The following FAM178B variants were observed in gnomAD, a reference collection of about 807,000 sequenced individuals.
FAM178B encodes protein FAM178B.
A neutral mutation model predicts 91.7 loss-of-function variants in FAM178B; 82 were observed. The ratio of observed to expected loss-of-function variants is 0.89; its 90% CI spans 0.75 to 1.07. The LOEUF (loss-of-function observed/expected upper bound fraction) is 1.07. FAM178B is among the 50% of genes least tolerant of loss of function. The probability of loss-of-function intolerance (pLI) is 0.00; values close to 1 mark genes in which losing one functional copy is unlikely to be tolerated. For missense variants in FAM178B, 769 were observed against 846.7 expected, an observed-to-expected ratio of 0.91 and a Z score of 1.14; for synonymous variants, 368 against 359.4, an observed-to-expected ratio of 1.02 and a Z score of -0.27.
chr2:96,919,012 G>C (rs984677835), intron 12 of FAM178B, among the ~76,000 whole-genome samples: 1 of 152,146 alleles, frequency 6.6e-6, no homozygotes, highest in Non-Finnish European at 1.5e-5. Flanking sequence ...CCTTAAAAGC[G>C]ACAGGAATTG....
intron 13 of FAM178B, among the ~76,000 whole-genome samples, chr2:96,900,575 C>CTTAAGT (rs1239764731): frequency 6.6e-6 from 1 of 151,986 alleles, no homozygotes; most frequent in Non-Finnish European, 1.5e-5. Flanking sequence ...CAGGGGGTGG[C>CTTAAGT]CACCAGGAGT....
chr2:96,886,705 T>C (rs964260034), intron 14 of FAM178B, among the ~76,000 whole-genome samples: 3 of 152,172 alleles, frequency 2.0e-5, no homozygotes, highest in Admixed American at 1.3e-4. Flanking sequence ...CAGAGAGCAC[T>C]TGAGAAGGCC....
intron 9 of FAM178B, among the ~76,000 whole-genome samples, chr2:96,927,860 C>T (rs1324749997): frequency 1.3e-5 from 2 of 152,210 alleles, no homozygotes. Flanking sequence ...GACTCCACGG[C>T]CCCTGCCTGC....
rs570600936 is a variant in FAM178B, at chr2:96,945,092, G to A, written c.1078+2726C>T. ...TCCCTGATCCTCTCTTTGCCATCTA[G>A]CGAAGTGCTTGAGGAAGGAGGTGCT... On this transcript the variant is annotated intron_variant, in intron 8 of 16. Coordinates refer to ENST00000490605, the MANE Select transcript of FAM178B (RefSeq NM_001122646.3). 2.8e-4 allele frequency among the ~76,000 whole-genome samples: 43 copies of A among 152,270 alleles called. 1 individual carries two copies. In the South Asian group the frequency reaches 8.3e-3, roughly 29 times the overall value.
intron 12 of FAM178B, among the ~76,000 whole-genome samples, chr2:96,910,531 G>A (rs73960687): frequency 0.025 from 3,813 of 152,228 alleles, 137 homozygotes; most frequent in African/African-American, 0.086. Context: ...GCCCCAAACC[G>A]CACTCCTTGC....
At position 96,972,126 on chromosome 2, in the gene FAM178B, C is replaced by CG; in HGVS notation, c.338dup (p.Pro114AlafsTer36). ...CCCTCGGGTTGAGGAATTCCACGGG[C>CG]GGGGGGCTCCAGTCAGTGGGAAACG... On this transcript the variant is annotated frameshift_variant, in exon 3 of 17. Transcript: ENST00000490605. LOFTEE classifies it high-confidence loss of function. 1 of 1,527,900 alleles carries CG rather than the reference C, an allele frequency of 6.5e-7. No homozygotes were observed. The highest frequency in any genetic ancestry group is 8.8e-7 in the Non-Finnish European group (1 of 1,135,616). 94.6% of individuals were successfully genotyped at this position (1,527,900 alleles called of 1,614,324 possible).
chr2:96,919,009 A>G (rs1215771200), intron 12 of FAM178B, among the ~76,000 whole-genome samples: 2 of 152,184 alleles, frequency 1.3e-5, no homozygotes, highest in Non-Finnish European at 2.9e-5. Context: ...AGCCCTTAAA[A>G]GCGACAGGAA....
chr2:96,912,531 C>T (rs536052909), intron 12 of FAM178B, among the ~76,000 whole-genome samples: 35 of 152,146 alleles, frequency 2.3e-4, no homozygotes, highest in African/African-American at 8.2e-4. Context: ...GCTGGTTGCT[C>T]ATCAGGAAGA....
rs914516403 is a variant in FAM178B at position 96,894,956 on chromosome 2, G to C, written c.1651-905C>G. On this transcript the variant is annotated intron_variant, in intron 13 of 16. Transcript: ENST00000490605. The stretch of plus-strand genomic sequence containing the variant: ...CCTGCACTGCCGCTCTGCATCTGTG[G>C]GCCCACCCTCCCTTGCATCCCTCTC... 10 of 961,688 alleles carry C rather than the reference G, an allele frequency of 1.0e-5. No homozygotes were observed. The African/African-American group carries it at 1.7e-4, about 17-fold the overall frequency. The allele number at this position is 961,688 out of a possible 1,614,324, so 59.6% of individuals were successfully genotyped here.
intron 14 of FAM178B, among the ~76,000 whole-genome samples, chr2:96,883,316 G>T (rs542790341): frequency 5.9e-5 from 9 of 152,380 alleles, no homozygotes; most frequent in African/African-American, 1.7e-4. Context: ...TCATCCTTTA[G>T]AAAATTCCCC....
At chr2:96,981,115 G>A (rs556909332) in intron 1 of FAM178B, among the ~76,000 whole-genome samples, 6 of 152,080 alleles carry the variant, frequency 3.9e-5, no homozygotes, top group East Asian at 1.9e-4. Context: ...ACAGGCACCC[G>A]CCACCATGCC....
intron 1 of FAM178B, among the ~76,000 whole-genome samples, chr2:96,973,790 C>G (rs1266317894): frequency 6.6e-6 from 1 of 151,000 alleles, no homozygotes; most frequent in African/African-American, 2.4e-5. Flanking sequence ...CATCTGAGGT[C>G]AGAGTTCGAG....
rs981130606 is a variant in FAM178B at position 96,968,290 on chromosome 2, C to T, written c.627-663G>A. 3.9e-5 allele frequency among the ~76,000 whole-genome samples: 6 copies of T among 152,032 alleles called. No individual in the cohort carries two copies. The South Asian group carries it at 8.3e-4, about 21-fold the overall frequency. On this transcript the variant is annotated intron_variant, in intron 4 of 16. Transcript: ENST00000490605. ...GCCTCACTCCTGGGGCTCTGTTTTCCGCCACCAGCCCCTGCGCGCCTCACT... is the reference window on the plus strand; with the variant it reads ...GCCTCACTCCTGGGGCTCTGTTTTCTGCCACCAGCCCCTGCGCGCCTCACT...
chr2:96,934,623 A>G (rs1031710198), intron 8 of FAM178B, among the ~76,000 whole-genome samples: 1 of 152,220 alleles, frequency 6.6e-6, no homozygotes, highest in Admixed American at 6.5e-5. Context: ...GGATGCAGGC[A>G]GACCGGCGTT....
At chr2:96,906,728 T>C (rs946851657) in intron 12 of FAM178B, among the ~76,000 whole-genome samples, 1 of 152,136 alleles carries the variant, frequency 6.6e-6, no homozygotes, top group Admixed American at 6.5e-5. Context: ...AGCTTCAGGT[T>C]CTCCCCCACG....
intron 5 of FAM178B, 110 bp from the exon 6 acceptor site, chr2:96,960,550 C>T: frequency 1.5e-6 from 2 of 1,314,334 alleles, no homozygotes; most frequent in South Asian, 1.5e-5. Flanking sequence ...CCCTGCCTTG[C>T]AGTCCTTGCG....
At chr2:96,915,323 G>A (rs947105970) in intron 12 of FAM178B, among the ~76,000 whole-genome samples, 5 of 149,868 alleles carry the variant, frequency 3.3e-5, no homozygotes, top group African/African-American at 1.2e-4. Context: ...TCACCATGTT[G>A]GCCAGGCTGG....
In FAM178B at chr2:96,876,180, C is replaced by T; in HGVS notation, c.*96G>A. 1 of 1,308,404 alleles carries T rather than the reference C, an allele frequency of 7.6e-7. No individual in the cohort carries two copies. The highest frequency in any genetic ancestry group is 1.1e-6 in the Non-Finnish European group (1 of 930,674). 81.0% of individuals were successfully genotyped at this position (1,308,404 alleles called of 1,614,324 possible). On this transcript the variant is annotated 3_prime_UTR_variant, in exon 17 of 17. Coordinates refer to ENST00000490605, the MANE Select transcript of FAM178B (RefSeq NM_001122646.3). ...CCTCATCAGGCTGGTCAGCATGTGG[C>T]CTCCTCTGGCCTTGATGCTTCGCTT... is the stretch of plus-strand genomic sequence containing the variant.
chr2:96,949,671 G>A (rs1212411208), intron 7 of FAM178B, among the ~76,000 whole-genome samples: 1 of 152,200 alleles, frequency 6.6e-6, no homozygotes, highest in African/African-American at 2.4e-5. Context: ...ACACTGCCCA[G>A]AAGGCCCCCC....
Sources: gnomAD v4.1 joint callset for allele counts (sites outside exome capture counted in the v4.1 genomes callset) on GRCh38, gnomAD v4.1.1 for gene constraint, MANE v1.5 for transcripts, NCBI Gene and HGNC (gene_info 2026-07-23, HGNC 2026-07-21) for gene names.